BRD10: variants seen among roughly 807,000 people sequenced by gnomAD.
BRD10 encodes bromodomain containing 10.
the BRD10 span, chr9:5,909,874 A>G: frequency 1.3e-5 from 2 of 152,222 alleles, no homozygotes; most frequent in African/African-American, 4.8e-5. Flanking sequence ...TCCTTTGGCT[A>G]CATCAACGTA....
the BRD10 span, among the ~76,000 whole-genome samples, chr9:5,958,307 G>A: frequency 5.3e-5 from 8 of 152,172 alleles, no homozygotes; most frequent in East Asian, 1.5e-3. Flanking sequence ...TCTAGAATCT[G>A]GAAATATGCC....
chr9:5,939,554 T>C, the BRD10 span, among the ~76,000 whole-genome samples: 2 of 152,204 alleles, frequency 1.3e-5, no homozygotes, highest in African/African-American at 4.8e-5. Flanking sequence ...AAGTCTTAAT[T>C]AGAAGTATAT....
chr9:5,897,603 C>G, the BRD10 span: 4 of 1,614,156 alleles, frequency 2.5e-6, no homozygotes, highest in Non-Finnish European at 3.4e-6. Context: ...AGTCTTACTG[C>G]TCATCGGCTG....
At chr9:5,886,994 C>T in the BRD10 span, among the ~76,000 whole-genome samples, 3 of 152,068 alleles carry the variant, frequency 2.0e-5, no homozygotes, top group Admixed American at 6.5e-5. Context: ...TGCAGTGGGT[C>T]GCGTCTGTAA....
At chr9:5,977,629 C>T in the BRD10 span, among the ~76,000 whole-genome samples, 1 of 152,076 alleles carries the variant, frequency 6.6e-6, no homozygotes, top group Non-Finnish European at 1.5e-5. Context: ...GGGCAGATCA[C>T]GAGGTCAGGA....
chr9:5,969,564 G>A, the BRD10 span: 1 of 695,248 alleles, frequency 1.4e-6, no homozygotes, highest in Non-Finnish European at 2.3e-6. Context: ...ATTTATTTGA[G>A]ACAGAGTCTC....
the BRD10 span, among the ~76,000 whole-genome samples, chr9:5,931,123 A>T: frequency 6.5e-4 from 99 of 152,330 alleles, no homozygotes; most frequent in African/African-American, 2.3e-3. Flanking sequence ...AGGCATGCTG[A>T]ATTCCTCACC....
At chr9:5,919,837 G>C in the BRD10 span, 2 of 1,613,892 alleles carry the variant, frequency 1.2e-6, no homozygotes, top group African/African-American at 1.3e-5. Context: ...TATTCAAAAT[G>C]GCTCCTTCTG....
At chr9:5,967,711 A>AAC in the BRD10 span, among the ~76,000 whole-genome samples, 3 of 145,420 alleles carry the variant, frequency 2.1e-5, no homozygotes, top group Admixed American at 1.4e-4. Flanking sequence ...AAAAAAAAAA[A>AAC]CACACATTTC....
At chr9:5,928,631 C>T in the BRD10 span, among the ~76,000 whole-genome samples, 21 of 152,114 alleles carry the variant, frequency 1.4e-4, no homozygotes, top group Non-Finnish European at 3.1e-4. Context: ...CTCTGCTTTC[C>T]CCTCAGAAAT....
chr9:5,892,300 A>C, the BRD10 span: 1 of 439,364 alleles, frequency 2.3e-6, no homozygotes, highest in African/African-American at 2.0e-5. Context: ...GAATGAAAGA[A>C]GCAGGTGCAA....
the BRD10 span, among the ~76,000 whole-genome samples, chr9:5,937,960 T>A: frequency 1.3e-5 from 2 of 152,204 alleles, no homozygotes; most frequent in East Asian, 1.9e-4. Flanking sequence ...CCCTTTTTCA[T>A]TATTATTCTG....
the BRD10 span, chr9:5,929,062 T>G: frequency 6.3e-7 from 1 of 1,576,410 alleles, no homozygotes; most frequent in East Asian, 2.2e-5. Flanking sequence ...TTGGAAAGCC[T>G]TCATTAACTT....
the BRD10 span, among the ~76,000 whole-genome samples, chr9:5,942,765 C>T: frequency 6.6e-6 from 1 of 152,122 alleles, no homozygotes; most frequent in African/African-American, 2.4e-5. Context: ...GGGGCATGGA[C>T]AAGTTAAAAG....
At chr9:5,968,550 C>G in the BRD10 span, 8 of 1,613,738 alleles carry the variant, frequency 5.0e-6, no homozygotes, top group African/African-American at 4.0e-5. Context: ...CCCATTTCAA[C>G]AGAGATGTCA....
At chr9:5,951,886 T>C in the BRD10 span, among the ~76,000 whole-genome samples, 1 of 152,180 alleles carries the variant, frequency 6.6e-6, no homozygotes, top group Admixed American at 6.5e-5. Flanking sequence ...TATTGTAAAC[T>C]AGGCATAAGA....
At chr9:5,888,562 G>A in the BRD10 span, among the ~76,000 whole-genome samples, 6 of 152,250 alleles carry the variant, frequency 3.9e-5, no homozygotes, top group African/African-American at 9.6e-5. Flanking sequence ...TTGCAACATC[G>A]ACAATGCATT....
At chr9:5,897,395 C>G in the BRD10 span, among the ~76,000 whole-genome samples, 1 of 152,190 alleles carries the variant, frequency 6.6e-6, no homozygotes, top group East Asian at 1.9e-4. Context: ...TGCTGGAGGC[C>G]TGGTGGGGTG....
the BRD10 span, among the ~76,000 whole-genome samples, chr9:5,960,235 T>A: frequency 6.6e-6 from 1 of 152,168 alleles, no homozygotes; most frequent in East Asian, 1.9e-4. Context: ...TTAGTCAGTT[T>A]AGAGGTGCTA....
Sources: gnomAD v4.1 joint callset for allele counts (sites outside exome capture counted in the v4.1 genomes callset) on GRCh38, gnomAD v4.1.1 for gene constraint, MANE v1.5 for transcripts, NCBI Gene and HGNC (gene_info 2026-07-23, HGNC 2026-07-21) for gene names.